Variants in NPAS3 observed in about 807,000 individuals in gnomAD.
NPAS3 encodes the protein neuronal PAS domain protein 3.
A neutral mutation model predicts 73.1 loss-of-function variants in NPAS3; 14 were observed. The observed-to-expected ratio is 0.19, with a 90% CI of 0.13 to 0.30. NPAS3 has a LOEUF of 0.30. Among genes scored for constraint, NPAS3 ranks in the 10% least tolerant of loss-of-function variants. NPAS3 has a pLI of 1.00. For missense variants in NPAS3, 1,096 were observed against 1,250.0 expected (o/e 0.88, Z 1.86); for synonymous variants, 620 against 541.5 (o/e 1.14, Z -2.01).
intron 2 of NPAS3, among the ~76,000 whole-genome samples, chr14:33,199,848 A>T (rs2139580142): frequency 6.6e-6 from 1 of 151,964 alleles, no homozygotes; most frequent in East Asian, 1.9e-4. Flanking sequence ...TTTAATCATG[A>T]CTTTTAAGGA....
chr14:33,027,370 C>A (rs2039844660), intron 1 of NPAS3, among the ~76,000 whole-genome samples: 1 of 152,132 alleles, frequency 6.6e-6, no homozygotes, highest in South Asian at 2.1e-4. Flanking sequence ...CTGGAAAAGG[C>A]CTGATTTTCC....
intron 2 of NPAS3, among the ~76,000 whole-genome samples, chr14:33,170,483 C>A (rs1054962618): frequency 2.0e-5 from 3 of 152,074 alleles, no homozygotes; most frequent in African/African-American, 7.2e-5. Context: ...TGAAGTGTTC[C>A]CCATTGATTG....
chr14:33,200,312 T>C (rs2046565826), intron 2 of NPAS3, among the ~76,000 whole-genome samples: 1 of 152,016 alleles, frequency 6.6e-6, no homozygotes, highest in Non-Finnish European at 1.5e-5. Context: ...CCCCATAAAA[T>C]AGTAAGTTTA....
intron 5 of NPAS3, among the ~76,000 whole-genome samples, chr14:33,673,121 T>A (rs2059659016): frequency 6.6e-6 from 1 of 152,208 alleles, no homozygotes; most frequent in Non-Finnish European, 1.5e-5. Context: ...ATTGGCAGGC[T>A]GCCTGCCCTC....
chr14:33,452,230 C>T lies in NPAS3; in HGVS notation c.468+84962C>T, dbSNP rs376894876. On this transcript the variant is annotated intron_variant, in intron 4 of 11. Transcript: ENST00000356141. The stretch of plus-strand genomic sequence containing the variant: ...CCTGGTTGTGGACTCTCGGATGGGG[C>T]TGGGCATTGTTAAAGGAGGTTGAAC... Among the ~76,000 whole-genome samples, 15 of 152,166 alleles carry T rather than the reference C, an allele frequency of 9.9e-5. 1 individual carries two copies. The highest frequency in any genetic ancestry group is 3.6e-4 in the African/African-American group (15 of 41,506).
intron 7 of NPAS3, among the ~76,000 whole-genome samples, chr14:33,769,225 A>G (rs895622304): frequency 5.9e-5 from 9 of 152,130 alleles, no homozygotes; most frequent in African/African-American, 2.2e-4. Flanking sequence ...TCCAGGAAGA[A>G]AAAAAAATAA....
rs570584956 is a variant in NPAS3 at position 33,381,703 on chromosome 14, G to A, written c.468+14435G>A. ...GGTATTAAATTATTTTACAATGGAA[G>A]TTTTTCAAGTGACATACTTTAAGCT... On this transcript the variant is annotated intron_variant, in intron 4 of 11. Transcript: ENST00000356141. 3.9e-5 allele frequency among the ~76,000 whole-genome samples: 6 copies of A among 152,280 alleles called. No homozygotes were observed. In the South Asian group the frequency reaches 1.2e-3, roughly 32 times the overall value.
chr14:33,129,807 T>A (rs2043567624), intron 2 of NPAS3, among the ~76,000 whole-genome samples: 1 of 152,158 alleles, frequency 6.6e-6, no homozygotes, highest in African/African-American at 2.4e-5. Context: ...TTGTTTGCTA[T>A]AATAATATAT....
rs1193270532 is a variant in NPAS3, at chr14:32,966,639, G to A, written c.50+27273G>A. Among the ~76,000 whole-genome samples the A allele has an allele frequency of 1.1e-4, 8 of 75,200 alleles. 3 individuals are homozygous for A. In the South Asian group the frequency reaches 2.2e-3, roughly 21 times the overall value. The allele number at this position is 75,200 out of a possible 152,430, so 49.3% of individuals were successfully genotyped here. On this transcript the variant is annotated intron_variant, in intron 1 of 11. Coordinates refer to ENST00000356141, the Ensembl canonical transcript of NPAS3. ...CAAAAAATTAGCCGGGCGCGGTGGC[G>A]GGCGCCTGTAGTCCCAGCTACTGGG...
At chr14:32,952,967 A>C (rs2036539881) in intron 1 of NPAS3, among the ~76,000 whole-genome samples, 1 of 151,892 alleles carries the variant, frequency 6.6e-6, no homozygotes, top group Non-Finnish European at 1.5e-5. Flanking sequence ...GCTACTTGGG[A>C]GGCTGAGGGA....
chr14:33,022,558 T>A (rs892601429), intron 1 of NPAS3, among the ~76,000 whole-genome samples: 1 of 149,376 alleles, frequency 6.7e-6, no homozygotes, highest in East Asian at 2.0e-4. Context: ...CTAGCTGCTC[T>A]GGAGGCTGAG....
At chr14:33,733,744 A>C (rs545872699) in intron 6 of NPAS3, among the ~76,000 whole-genome samples, 1 of 152,292 alleles carries the variant, frequency 6.6e-6, no homozygotes, top group South Asian at 2.1e-4. Flanking sequence ...TGTACATTTA[A>C]AATGACATCA....
chr14:33,042,085 C>T (rs376997423), intron 1 of NPAS3, among the ~76,000 whole-genome samples: 144 of 152,158 alleles, frequency 9.5e-4, no homozygotes, highest in Middle Eastern at 3.4e-3. Context: ...GCAATTGGGC[C>T]GGTTTCAGTA....
At chr14:33,090,444 C>T (rs1182708227) in intron 2 of NPAS3, among the ~76,000 whole-genome samples, 4 of 152,166 alleles carry the variant, frequency 2.6e-5, no homozygotes, top group Non-Finnish European at 5.9e-5. Context: ...ATGAGAAGAG[C>T]TAACTATCCT....
chr14:32,978,154 G>A (rs947801811), intron 1 of NPAS3, among the ~76,000 whole-genome samples: 2 of 152,186 alleles, frequency 1.3e-5, no homozygotes, highest in African/African-American at 4.8e-5. Context: ...CAGCTAGTAA[G>A]CTGGAGAAGA....
At chr14:33,301,669 T>C (rs969562514) in intron 3 of NPAS3, among the ~76,000 whole-genome samples, 1 of 152,120 alleles carries the variant, frequency 6.6e-6, no homozygotes, top group Non-Finnish European at 1.5e-5. Flanking sequence ...AAAATACTTA[T>C]ATAGGCACAG....
intron 5 of NPAS3, among the ~76,000 whole-genome samples, chr14:33,572,955 G>A (rs1313709413): frequency 1.3e-5 from 2 of 150,236 alleles, no homozygotes; most frequent in African/African-American, 4.9e-5. Context: ...CCCGGGAAGC[G>A]GAGGTTGCAG....
At chr14:33,240,914 C>T (rs1357268841) in intron 3 of NPAS3, among the ~76,000 whole-genome samples, 1 of 151,846 alleles carries the variant, frequency 6.6e-6, no homozygotes, top group Non-Finnish European at 1.5e-5. Flanking sequence ...TACAACACTT[C>T]CCAATTAATT....
At chr14:33,784,753 T>TTTA (rs2063111965) in intron 9 of NPAS3, among the ~76,000 whole-genome samples, 1 of 70,518 alleles carries the variant, frequency 1.4e-5, no homozygotes, top group African/African-American at 4.5e-5. Flanking sequence ...TTATTTTTTT[T>TTTA]TTTTTTTTTT....
Sources: allele counts gnomAD v4.1 joint callset (sites outside exome capture counted in the v4.1 genomes callset), GRCh38; gene constraint gnomAD v4.1.1; transcripts MANE v1.5; gene names NCBI Gene and HGNC (gene_info 2026-07-23, HGNC 2026-07-21).